CPZ: variants seen among roughly 807,000 people sequenced by gnomAD.
CPZ encodes carboxypeptidase Z.
A neutral mutation model predicts 61.8 loss-of-function variants in CPZ; 103 were observed. The ratio of observed to expected loss-of-function variants is 1.67; its 90% CI spans 1.42 to 1.96. CPZ has a LOEUF of 1.96. Ranked by LOEUF, CPZ falls within the 30% of genes most tolerant of loss-of-function variation. CPZ has a pLI of 0.00. For synonymous variants in CPZ, 551 were observed against 373.7 expected (o/e 1.47, Z -5.47); for missense variants, 1,461 against 914.9 (o/e 1.60, Z -7.70).
chr4:8,612,122 G>C lies in CPZ; in HGVS notation c.1323G>C (p.Gly441=). ...GTGGAGGCAATTTCCTGAAGAGGGG[G>C]AGCATCATCAACGGGGCGGACTGGT... is the stretch of plus-strand genomic sequence containing the variant. ...NRCGGNFLKR[G]SIINGADWYS... The change falls in exon 8 of 11, where the codon GGG becomes GGC. Residue 441 remains glycine, a synonymous_variant. Transcript: ENST00000360986. 1.2e-6 allele frequency: 2 copies of C among 1,600,346 alleles called. No homozygotes were observed. The highest frequency in any genetic ancestry group is 1.7e-6 in the Non-Finnish European group (2 of 1,171,744).
intron 1 of CPZ, among the ~76,000 whole-genome samples, chr4:8,597,813 G>A (rs1560289073): frequency 6.6e-6 from 1 of 152,216 alleles, no homozygotes; most frequent in Non-Finnish European, 1.5e-5. Context: ...CGGACCATAG[G>A]TCGTCTCATC....
chr4:8,616,941 C>T (rs1716222752), intron 9 of CPZ, among the ~76,000 whole-genome samples: 2 of 152,120 alleles, frequency 1.3e-5, no homozygotes, highest in Non-Finnish European at 2.9e-5. Context: ...GGCTGGGACC[C>T]CTTGATGTGC....
chr4:8,607,513 G>T, intron 7 of CPZ, 88 bp downstream of exon 7: 1 of 1,469,540 alleles, frequency 6.8e-7, no homozygotes, highest in Middle Eastern at 1.8e-4. Flanking sequence ...TGAGCTCAGT[G>T]AAGGCAAAGC....
At chr4:8,612,499 G>C (rs1194675007) in intron 8 of CPZ, among the ~76,000 whole-genome samples, 1 of 152,182 alleles carries the variant, frequency 6.6e-6, no homozygotes, top group Non-Finnish European at 1.5e-5. Context: ...AGTTAAATTG[G>C]AATTCCAGAG....
In CPZ at chr4:8,604,078, C is replaced by A. The variant is rs373915315; in HGVS notation, c.599C>A (p.Thr200Lys). ...CAGATGGTGCGTGTGCTGAGGCGGA[C>A]GGCCTCCCGCTGCGCCCACGTGGCC... ...YAQMVRVLRR[T>K]ASRCAHVART... is the part of the protein sequence containing the mutation. The change falls in exon 4 of 11, where the codon ACG becomes AAG. Residue 200 changes from threonine (T) to lysine (K), a missense_variant. Thr to Lys is a moderately conservative substitution (Grantham distance 78, BLOSUM62 -1). Coordinates refer to ENST00000360986, the MANE Select transcript of CPZ (RefSeq NM_001014447.3). 3 of 1,609,806 alleles carry A rather than the reference C, an allele frequency of 1.9e-6. No homozygotes were observed. The highest frequency in any genetic ancestry group is 2.7e-5 in the African/African-American group (2 of 74,888).
At chr4:8,618,603 C>G (rs1322425258) in intron 10 of CPZ, 75 bp downstream of exon 10, 5 of 1,354,178 alleles carry the variant, frequency 3.7e-6, no homozygotes, top group East Asian at 4.9e-5. Flanking sequence ...CCGGCACCCT[C>G]AGGCACTCAC....
Position 8,599,499 on chromosome 4 carries a change from A to G in CPZ, c.121+14A>G. The G allele has an allele frequency of 6.2e-7, 1 of 1,613,356 alleles. No homozygotes were observed. Among genetic ancestry groups the G allele is most frequent in the Non-Finnish European group, 8.5e-7 (1 of 1,179,736 alleles). On this transcript the variant is annotated intron_variant, in intron 2 of 10. Coordinates refer to ENST00000360986, the MANE Select transcript of CPZ (RefSeq NM_001014447.3). ...CTGCAGACAGCGGTACAGTACCGGG[A>G]CCTCCCTGGCTTCTGTTCTGTAGGA...
intron 2 of CPZ, chr4:8,600,892 C>T (rs1010747320): frequency 2.3e-5 from 29 of 1,263,428 alleles, no homozygotes; most frequent in East Asian, 3.1e-5. Context: ...CAGCCTGCTG[C>T]GGCTGGCTTG....
intron 1 of CPZ, among the ~76,000 whole-genome samples, chr4:8,598,996 C>T (rs1292730377): frequency 2.6e-5 from 4 of 152,210 alleles, no homozygotes; most frequent in African/African-American, 7.2e-5. Context: ...GCAGCAGTGC[C>T]TGCTGGTGAG....
chr4:8,605,916 A>C, intron 4 of CPZ, 73 bp from the exon 5 acceptor site: 1 of 1,463,432 alleles, frequency 6.8e-7, no homozygotes, highest in Non-Finnish European at 9.4e-7. Context: ...ATTCTTGCTG[A>C]GTGGGGGGGC....
At position 8,599,437 on chromosome 4, in the gene CPZ, A is replaced by G. The variant is rs1714410867; in HGVS notation, c.89-16A>G. 6.2e-7 allele frequency: 1 copy of G among 1,604,916 alleles called. No individual in the cohort carries two copies. Among genetic ancestry groups the G allele is most frequent in the South Asian group, 1.1e-5 (1 of 89,780 alleles). Reference sequence around the variant, plus strand: ...GGCGAGGCAGGTCCCTAACAGTGCCATGTCTCTCTTTCCAGGTGAATGCCA... The same window carrying G: ...GGCGAGGCAGGTCCCTAACAGTGCCGTGTCTCTCTTTCCAGGTGAATGCCA... On this transcript the variant is annotated splice_polypyrimidine_tract_variant and intron_variant, in intron 1 of 10. Transcript: ENST00000360986.
intron 2 of CPZ, among the ~76,000 whole-genome samples, chr4:8,600,303 G>A (rs567103666): frequency 2.0e-5 from 3 of 152,294 alleles, no homozygotes; most frequent in South Asian, 4.1e-4. Context: ...AGGGCAATGT[G>A]AGGCAGAAAG....
At chr4:8,618,624 G>A (rs1301397636) in intron 10 of CPZ, 96 bp downstream of exon 10, 2 of 1,175,008 alleles carry the variant, frequency 1.7e-6, no homozygotes, top group Non-Finnish European at 2.4e-6. Flanking sequence ...AGTGTGCCCA[G>A]CCCTCAGCAG....
chr4:8,618,941 GTATGCTGTGA>G (rs1003671493), intron 10 of CPZ, among the ~76,000 whole-genome samples: 2 of 150,476 alleles, frequency 1.3e-5, no homozygotes, highest in African/African-American at 4.9e-5. Flanking sequence ...AAAAATGACG[GTATGCTGTGA>G]TATGTGTTAC....
chr4:8,610,787 C>T (rs1257337829), intron 7 of CPZ, among the ~76,000 whole-genome samples: 2 of 152,170 alleles, frequency 1.3e-5, no homozygotes, highest in East Asian at 3.9e-4. Flanking sequence ...ACCCTGGAAC[C>T]ACAGGGCCTG....
In CPZ at chr4:8,601,130, C is replaced by T. The variant is rs1005824005; in HGVS notation, c.129C>T (p.Cys43=). Reference sequence around the variant, plus strand: ...CCGACCCTGCCTCCCCAGCCACCTGCGTGGACCTGCAGCTCAGGACCTGCA... The same window carrying T: ...CCGACCCTGCCTCCCCAGCCACCTGTGTGGACCTGCAGCTCAGGACCTGCA... The part of the protein sequence containing the change: ...HRPPAADSAT[C]VDLQLRTCSD... The change falls in exon 3 of 11, where the codon TGC becomes TGT. Residue 43 remains cysteine, a synonymous_variant. Transcript: ENST00000360986. The T allele has an allele frequency of 3.1e-5, 49 of 1,572,536 alleles. No individual in the cohort carries two copies. Among genetic ancestry groups the T allele is most frequent in the African/African-American group, 5.4e-5 (4 of 74,372 alleles).
intron 7 of CPZ, chr4:8,611,067 TTCACTCATTCATTCGCTCATTCACTCAC>T (rs1715625741): frequency 8.3e-6 from 3 of 360,590 alleles, no homozygotes; most frequent in Admixed American, 2.9e-5. Flanking sequence ...CACTCACTCA[TTCACTCATTCATTCGCTCATTCACTCAC>T]TCACTCACTC....
intron 9 of CPZ, among the ~76,000 whole-genome samples, chr4:8,616,297 T>G (rs1445392363): frequency 6.6e-6 from 1 of 151,774 alleles, no homozygotes; most frequent in East Asian, 1.9e-4. Context: ...AGGGGCGGCG[T>G]GGCAGCTCTC....
At chr4:8,616,236 G>T (rs1716147103) in intron 9 of CPZ, among the ~76,000 whole-genome samples, 1 of 152,198 alleles carries the variant, frequency 6.6e-6, no homozygotes, top group African/African-American at 2.4e-5. Context: ...TTTTTTCAAA[G>T]TGATCCTGGC....
Sources: allele counts gnomAD v4.1 joint callset (sites outside exome capture counted in the v4.1 genomes callset), GRCh38; gene constraint gnomAD v4.1.1; transcripts MANE v1.5; gene names NCBI Gene and HGNC (gene_info 2026-07-23, HGNC 2026-07-21).